Variants in GRIK2 observed in about 807,000 individuals in gnomAD.
The protein encoded by GRIK2 is glutamate receptor ionotropic, kainate 2.
Under a neutral mutation model 100.3 loss-of-function variants are expected in GRIK2, and 32 were observed. The ratio of observed to expected loss-of-function variants is 0.32; its 90% CI spans 0.24 to 0.43. The LOEUF is 0.43. GRIK2 is among the 20% of genes least tolerant of loss of function. GRIK2 has a pLI of 1.00. For synonymous variants in GRIK2, 417 were observed against 389.4 expected, an observed-to-expected ratio of 1.07 and a Z score of -0.83; for missense variants, 843 against 1,114.9, an observed-to-expected ratio of 0.76 and a Z score of 3.47.
chr6:101,735,745 T>G (rs1477937879), intron 7 of GRIK2, among the ~76,000 whole-genome samples: 1 of 152,182 alleles, frequency 6.6e-6, no homozygotes, highest in Non-Finnish European at 1.5e-5. Context: ...CCAAACCATA[T>G]CATTCCTCCC....
chr6:101,977,630 G>A (rs1793472443), intron 14 of GRIK2, among the ~76,000 whole-genome samples: 1 of 151,916 alleles, frequency 6.6e-6, no homozygotes, highest in Non-Finnish European at 1.5e-5. Context: ...AGGATGTGTG[G>A]CTTTGGAGTA....
At chr6:101,825,721 G>C (rs756368117) in intron 10 of GRIK2, among the ~76,000 whole-genome samples, 3 of 151,946 alleles carry the variant, frequency 2.0e-5, no homozygotes, top group Non-Finnish European at 4.4e-5. Context: ...ATTATGATCA[G>C]TATATTAAGT....
At chr6:101,921,533 G>A (rs1307467255) in intron 12 of GRIK2, among the ~76,000 whole-genome samples, 5 of 152,068 alleles carry the variant, frequency 3.3e-5, no homozygotes, top group Admixed American at 3.3e-4. Context: ...TGGAAACAGG[G>A]AAGATAGAAT....
At chr6:101,852,915 T>G (rs1481557990) in intron 10 of GRIK2, among the ~76,000 whole-genome samples, 1 of 152,188 alleles carries the variant, frequency 6.6e-6, no homozygotes, top group Non-Finnish European at 1.5e-5. Flanking sequence ...GGGCACTACA[T>G]CTGTTACATT....
chr6:101,822,417 G>C (rs570012245), intron 10 of GRIK2, among the ~76,000 whole-genome samples: 29 of 151,908 alleles, frequency 1.9e-4, no homozygotes, highest in Non-Finnish European at 3.4e-4. Flanking sequence ...GAATTAGCAA[G>C]GTGAAGAAAG....
intron 2 of GRIK2, among the ~76,000 whole-genome samples, chr6:101,573,171 G>T (rs904709339): frequency 6.6e-6 from 1 of 152,018 alleles, no homozygotes; most frequent in Non-Finnish European, 1.5e-5. Flanking sequence ...ATTCACGTGT[G>T]GTGATGGTTG....
intron 14 of GRIK2, among the ~76,000 whole-genome samples, chr6:102,029,996 G>T (rs982631673): frequency 4.0e-5 from 6 of 151,066 alleles, no homozygotes; most frequent in Admixed American, 2.7e-4. Context: ...TTGTGTATGT[G>T]GTGAGAATAT....
At chr6:101,674,721 C>A (rs1770701223) in intron 4 of GRIK2, among the ~76,000 whole-genome samples, 1 of 152,042 alleles carries the variant, frequency 6.6e-6, no homozygotes. Flanking sequence ...AAATATTTAA[C>A]TTTGCAAAAC....
intron 7 of GRIK2, among the ~76,000 whole-genome samples, chr6:101,727,566 CATT>C (rs1774960307): frequency 6.6e-6 from 1 of 152,068 alleles, no homozygotes; most frequent in Non-Finnish European, 1.5e-5. Context: ...ACTTGTTGTA[CATT>C]ATCTTTCAAC....
At chr6:101,870,916 G>T (rs1010745703) in intron 11 of GRIK2, among the ~76,000 whole-genome samples, 4 of 151,840 alleles carry the variant, frequency 2.6e-5, no homozygotes, top group Non-Finnish European at 4.4e-5. Flanking sequence ...GAGAGCACGT[G>T]TTCTGAAAAA....
chr6:101,408,405 G>T (rs1208865516), intron 2 of GRIK2, among the ~76,000 whole-genome samples: 1 of 151,302 alleles, frequency 6.6e-6, no homozygotes. Flanking sequence ...AGAAGAGGAG[G>T]GTGTGGGTAT....
At chr6:101,840,654 C>CT (rs562036684) in intron 10 of GRIK2, among the ~76,000 whole-genome samples, 45 of 152,196 alleles carry the variant, frequency 3.0e-4, no homozygotes, top group Non-Finnish European at 5.7e-4. Flanking sequence ...AGGCATATTT[C>CT]TTATTAGGTG....
chr6:101,852,025 A>G (rs1270794689), intron 10 of GRIK2, among the ~76,000 whole-genome samples: 1 of 151,550 alleles, frequency 6.6e-6, no homozygotes, highest in Non-Finnish European at 1.5e-5. Flanking sequence ...AATATTACTG[A>G]CCTCATGTAG....
At chr6:101,508,400 ATAAAT>A (rs905653438) in intron 2 of GRIK2, among the ~76,000 whole-genome samples, 1 of 151,974 alleles carries the variant, frequency 6.6e-6, no homozygotes, top group African/African-American at 2.4e-5. Flanking sequence ...AAAATGTTAA[ATAAAT>A]TAAGGACGTT....
chr6:101,711,272 T>G (rs770591354), intron 7 of GRIK2, among the ~76,000 whole-genome samples: 1 of 151,820 alleles, frequency 6.6e-6, no homozygotes, highest in Non-Finnish European at 1.5e-5. Context: ...AATGATGAAA[T>G]TCACTGACTG....
At chr6:101,956,001 T>A (rs1450783412) in intron 14 of GRIK2, among the ~76,000 whole-genome samples, 1 of 152,054 alleles carries the variant, frequency 6.6e-6, no homozygotes, top group African/African-American at 2.4e-5. Flanking sequence ...TGATATGAGG[T>A]CATTTTTCTT....
chr6:102,042,414 G>T (rs1199281683), intron 15 of GRIK2, among the ~76,000 whole-genome samples: 4 of 151,308 alleles, frequency 2.6e-5, no homozygotes, highest in African/African-American at 9.7e-5. Flanking sequence ...AAACAAATTT[G>T]ACATAAAATA....
intron 2 of GRIK2, among the ~76,000 whole-genome samples, chr6:101,426,629 T>TTACAGAGG (rs1247525476): frequency 2.0e-5 from 3 of 152,162 alleles, no homozygotes; most frequent in African/African-American, 7.2e-5. Flanking sequence ...ATTAAAAAGT[T>TTACAGAGG]TACAGAGGAT....
intron 9 of GRIK2, among the ~76,000 whole-genome samples, chr6:101,806,030 C>T (rs1780984557): frequency 6.6e-6 from 1 of 151,986 alleles, no homozygotes; most frequent in Non-Finnish European, 1.5e-5. Flanking sequence ...AATTGGAACC[C>T]AGCCCAATTC....
Sources: allele counts gnomAD v4.1 joint callset (sites outside exome capture counted in the v4.1 genomes callset), GRCh38; gene constraint gnomAD v4.1.1; transcripts MANE v1.5; gene names NCBI Gene and HGNC (gene_info 2026-07-23, HGNC 2026-07-21).